The following KY variants were observed in gnomAD, a reference collection of about 807,000 sequenced individuals.
The protein encoded by KY is kyphoscoliosis peptidase.
A neutral mutation model predicts 76.1 loss-of-function variants in KY; 43 were observed. The ratio of observed to expected loss-of-function variants is 0.57; its 90% CI spans 0.44 to 0.73. The LOEUF is 0.73. Among genes scored for constraint, KY ranks in the 30% least tolerant of loss-of-function variants. The pLI is 0.00. For synonymous variants in KY, 277 were observed against 326.2 expected (o/e 0.85, Z 1.63); for missense variants, 722 against 828.9 (o/e 0.87, Z 1.58).
chr3:134,650,851 G>T lies in KY; in HGVS notation c.110C>A (p.Pro37Gln). The T allele has an allele frequency of 6.2e-7, 1 of 1,607,102 alleles. No homozygotes were observed. The highest frequency in any genetic ancestry group is 8.5e-7 in the Non-Finnish European group (1 of 1,176,264). The change falls in exon 1 of 11, where the codon CCG becomes CAG. Residue 37 changes from proline to glutamine, a missense_variant. Around this residue, in one of 2 missense-constraint regions of KY, gnomAD observed 170 missense variants for 148.1 expected, o/e 1.15. Coordinates refer to ENST00000423778, the MANE Select transcript of KY (RefSeq NM_178554.6). ...TCCTCCGCGCTGCAGCAGCGAGCTC[G>T]GGTTCGCCTGCTGGTCTGAGAGCGT... is the stretch of plus-strand genomic sequence containing the variant. ...QGTLSDQQAN[P>Q]SSLLQRGGGF...
chr3:134,648,149 A>G (rs1966658943), intron 1 of KY, among the ~76,000 whole-genome samples: 1 of 152,146 alleles, frequency 6.6e-6, no homozygotes, highest in Non-Finnish European at 1.5e-5. Flanking sequence ...TGGCAGCGGG[A>G]GCTGCTGCAA....
chr3:134,632,933 G>A (rs926872534), intron 3 of KY, among the ~76,000 whole-genome samples: 13 of 152,028 alleles, frequency 8.6e-5, no homozygotes, highest in Middle Eastern at 3.4e-3. Context: ...GAGGGCTATC[G>A]CTACAGACCC....
chr3:134,650,287 A>C (rs909631270), intron 1 of KY, among the ~76,000 whole-genome samples: 4 of 152,342 alleles, frequency 2.6e-5, no homozygotes, highest in African/African-American at 7.2e-5. Flanking sequence ...CGTTCCTTTT[A>C]CGCCTTTCAT....
At chr3:134,619,961 G>A (rs1176828833) in intron 7 of KY, 3 of 152,246 alleles carry the variant, frequency 2.0e-5, no homozygotes, top group East Asian at 1.9e-4. Flanking sequence ...TGTGCCAGGC[G>A]AGCTCATTCT....
rs756490776 is a variant in KY at position 134,603,581 on chromosome 3, AC to A, written c.1983del (p.Gln661HisfsTer33). 2 of 1,573,040 alleles carry A rather than the reference AC, an allele frequency of 1.3e-6. No homozygotes were observed. The highest frequency in any genetic ancestry group is 1.7e-6 in the Non-Finnish European group (2 of 1,155,124). ...SYILKYKVNA[Q>X] Reference sequence around the variant, plus strand: ...AGGGTAAGACCGGGGCACAGCCCTCACTGGGCATTCACTTTGTATTTCAGGA... The same window carrying A: ...AGGGTAAGACCGGGGCACAGCCCTCATGGGCATTCACTTTGTATTTCAGGA... On this transcript the variant is annotated frameshift_variant, in exon 11 of 11. Coordinates refer to ENST00000423778, the MANE Select transcript of KY (RefSeq NM_178554.6). LOFTEE classifies it high-confidence loss of function.
rs1189948678 is a variant in KY, at chr3:134,625,134, G to A, written c.402C>T (p.Ala134=). The change falls in exon 6 of 11, where the codon GCC becomes GCT. Residue 134 remains alanine (A), a splice_region_variant and synonymous_variant. Transcript: ENST00000423778. The stretch of plus-strand genomic sequence containing the variant: ...TCAGGCTAGATCGATCCCAGGGGTA[G>A]GCTGGAAACACAGGGCACCTTGGTC... ...PRQPGGKDAH[A]YPWDRSSLKS... 6.3e-7 allele frequency: 1 copy of A among 1,594,702 alleles called. No individual in the cohort carries two copies. Among genetic ancestry groups the A allele is most frequent in the Non-Finnish European group, 8.5e-7 (1 of 1,170,354 alleles).
intron 8 of KY, among the ~76,000 whole-genome samples, chr3:134,616,263 A>G (rs1184621623): frequency 1.3e-5 from 2 of 152,222 alleles, no homozygotes; most frequent in Non-Finnish European, 2.9e-5. Flanking sequence ...GACAGAAGGA[A>G]CTGAATGATG....
intron 3 of KY, among the ~76,000 whole-genome samples, chr3:134,641,777 T>G (rs1453670891): frequency 6.6e-6 from 1 of 152,170 alleles, no homozygotes; most frequent in African/African-American, 2.4e-5. Context: ...ACTTCCCCCT[T>G]ATACCTTATC....
At chr3:134,649,377 C>T (rs1159409186) in intron 1 of KY, among the ~76,000 whole-genome samples, 1 of 152,102 alleles carries the variant, frequency 6.6e-6, no homozygotes, top group East Asian at 1.9e-4. Context: ...GTGTCAGAGC[C>T]TTTAGAAGTG....
At chr3:134,629,241 TG>T (rs1182683100) in intron 4 of KY, among the ~76,000 whole-genome samples, 6 of 152,204 alleles carry the variant, frequency 3.9e-5, no homozygotes, top group Non-Finnish European at 8.8e-5. Flanking sequence ...ATCTAAAAAG[TG>T]GGGATGATAT....
chr3:134,634,676 C>T (rs936935666), intron 3 of KY, among the ~76,000 whole-genome samples: 1 of 152,180 alleles, frequency 6.6e-6, no homozygotes, highest in Non-Finnish European at 1.5e-5. Flanking sequence ...TTGAACTGCA[C>T]GAGTCCACTC....
At chr3:134,635,137 C>G (rs540079226) in intron 3 of KY, among the ~76,000 whole-genome samples, 6 of 152,210 alleles carry the variant, frequency 3.9e-5, no homozygotes, top group Non-Finnish European at 8.8e-5. Flanking sequence ...TCACCCTGAA[C>G]TGGAAACAAC....
At chr3:134,610,817 C>T (rs1323937740) in intron 8 of KY, 1 of 155,724 alleles carries the variant, frequency 6.4e-6, no homozygotes, top group African/African-American at 2.4e-5. Context: ...GCGAGCACAG[C>T]TGCTGGGAGA....
chr3:134,608,897 A>G, intron 9 of KY, 58 bp from the exon 10 acceptor site: 2 of 1,550,768 alleles, frequency 1.3e-6, no homozygotes, highest in Admixed American at 1.9e-5. Context: ...CAGGGGCCCA[A>G]TACACCCACC....
intron 8 of KY, chr3:134,610,708 C>T (rs1319506955): frequency 1.7e-5 from 4 of 228,716 alleles, no homozygotes; most frequent in Non-Finnish European, 2.5e-5. Context: ...TCAAGCAGCT[C>T]TTCAGGAGGA....
chr3:134,603,866 T>C lies in KY; in HGVS notation c.1699A>G (p.Met567Val), dbSNP rs371114312. ...CAGTTGCCAAAGCTCTCAGGGAACA[T>C]GGGCCAGTTCACCTTGGTGTTGGCA... ...CCANTKVNWP[M>V]FPESFGNWGQ... The change falls in exon 11 of 11, where the codon ATG becomes GTG. Residue 567 changes from methionine (M) to valine (V), a missense_variant. This residue lies in a region of KY where 552 missense variants were observed against 680.9 expected (regional missense o/e 0.81). Transcript: ENST00000423778. 239 of 1,613,910 alleles carry C rather than the reference T, an allele frequency of 1.5e-4. 1 individual carries two copies. The highest frequency in any genetic ancestry group is 1.8e-4 in the Non-Finnish European group (215 of 1,179,896).
Position 134,604,045 on chromosome 3 carries a change from G to C in KY, c.1520C>G (p.Thr507Arg). 1 of 1,614,010 alleles carries C rather than the reference G, an allele frequency of 6.2e-7. No homozygotes were observed. The highest frequency in any genetic ancestry group is 8.5e-7 in the Non-Finnish European group (1 of 1,179,878). The change falls in exon 11 of 11, where the codon ACA (threonine) becomes AGA (arginine). Residue 507 changes from threonine (T) to arginine (R), a missense_variant. By Grantham distance (71) the Thr-to-Arg change is moderately conservative. Transcript: ENST00000423778. ...HGDDGPITEE[T>R]QRRYIFQLHR... ...CAGCTGGAAGATGTAGCGCCGCTGT[G>C]TCTCCTCAGTGATGGGGCCATCATC...
intron 10 of KY, chr3:134,607,507 C>G: frequency 8.1e-6 from 8 of 985,686 alleles, no homozygotes; most frequent in Non-Finnish European, 9.6e-6. Context: ...GACGGTGCCA[C>G]CAGGCAGTCC....
intron 3 of KY, among the ~76,000 whole-genome samples, chr3:134,634,306 A>G (rs931480667): frequency 1.3e-5 from 2 of 151,020 alleles, no homozygotes; most frequent in African/African-American, 4.9e-5. Context: ...ACTAATTTTG[A>G]AAAAAAAAGA....
Sources: gnomAD v4.1 joint callset for allele counts (sites outside exome capture counted in the v4.1 genomes callset) on GRCh38, gnomAD v4.1.1 for gene constraint, gnomAD v4.1.1 regional missense constraint, MANE v1.5 for transcripts, NCBI Gene and HGNC (gene_info 2026-07-23, HGNC 2026-07-21) for gene names.